The following TTC7B variants were observed in gnomAD, a reference collection of about 807,000 sequenced individuals.
The protein encoded by TTC7B is tetratricopeptide repeat domain 7B.
A neutral mutation model predicts 106.8 loss-of-function variants in TTC7B; 28 were observed. The observed-to-expected ratio is 0.26, with a 90% CI of 0.19 to 0.36. The LOEUF (loss-of-function observed/expected upper bound fraction) is 0.36. Ranked by LOEUF, TTC7B falls within the 10% of genes least tolerant of loss-of-function variation. The probability of loss-of-function intolerance (pLI) is 1.00; values close to 1 mark genes in which losing one functional copy is unlikely to be tolerated. For missense variants in TTC7B, 862 were observed against 1,076.4 expected, an observed-to-expected ratio of 0.80 and a Z score of 2.79; for synonymous variants, 405 against 430.6, an observed-to-expected ratio of 0.94 and a Z score of 0.74.
At chr14:90,607,865 A>G (rs1269306643) in intron 17 of TTC7B, among the ~76,000 whole-genome samples, 1 of 152,222 alleles carries the variant, frequency 6.6e-6, no homozygotes, top group African/African-American at 2.4e-5. Flanking sequence ...CAGAGGAAAG[A>G]TACATATGCT....
intron 19 of TTC7B, among the ~76,000 whole-genome samples, chr14:90,572,807 C>T (rs1300154549): frequency 6.6e-6 from 1 of 152,162 alleles, no homozygotes; most frequent in Non-Finnish European, 1.5e-5. Flanking sequence ...TGTTTTTCCA[C>T]CAAGCAGCGC....
At chr14:90,658,701 C>T (rs1163569943) in intron 9 of TTC7B, among the ~76,000 whole-genome samples, 1 of 152,146 alleles carries the variant, frequency 6.6e-6, no homozygotes, top group East Asian at 1.9e-4. Flanking sequence ...TCAGGAGTGC[C>T]CCCAGGGCGA....
chr14:90,563,544 G>A (rs894361158), intron 19 of TTC7B, among the ~76,000 whole-genome samples: 3 of 152,176 alleles, frequency 2.0e-5, no homozygotes, highest in Non-Finnish European at 2.9e-5. Flanking sequence ...GACTGATCAG[G>A]GTGGTGGATG....
Position 90,640,604 on chromosome 14 carries a change from A to G in TTC7B, c.1751+3444T>C, listed in dbSNP as rs1885131342. 2.0e-5 allele frequency among the ~76,000 whole-genome samples: 3 copies of G among 152,224 alleles called. No individual in the cohort carries two copies. In the South Asian group the frequency reaches 6.2e-4, roughly 31 times the overall value. On this transcript the variant is annotated intron_variant, in intron 15 of 19. Transcript: ENST00000328459. Reference sequence around the variant, plus strand: ...TTTTAGATATATTTAATAAACATTCATTTGATTTTATTCCATATTTAAGAA... The same window carrying G: ...TTTTAGATATATTTAATAAACATTCGTTTGATTTTATTCCATATTTAAGAA...
intron 3 of TTC7B, among the ~76,000 whole-genome samples, chr14:90,763,070 C>T (rs1451839631): frequency 6.6e-6 from 1 of 152,132 alleles, no homozygotes; most frequent in Non-Finnish European, 1.5e-5. Context: ...AACATTGACA[C>T]TAAAACCAAA....
intron 6 of TTC7B, among the ~76,000 whole-genome samples, chr14:90,692,124 CAT>C (rs779519320): frequency 1.1e-4 from 16 of 152,282 alleles, no homozygotes; most frequent in South Asian, 6.2e-4. Context: ...CAGTTCTAGA[CAT>C]GTGTATTGCT....
At chr14:90,620,771 C>A (rs66522703) in intron 15 of TTC7B, among the ~76,000 whole-genome samples, 11,051 of 152,330 alleles carry the variant, frequency 0.073, 458 homozygotes, top group South Asian at 0.16. Context: ...GAGTGCGTCT[C>A]TAAGCCTCAG....
intron 15 of TTC7B, among the ~76,000 whole-genome samples, chr14:90,638,279 G>A (rs574259670): frequency 6.6e-6 from 1 of 152,238 alleles, no homozygotes; most frequent in East Asian, 1.9e-4. Flanking sequence ...AAAATGGAAA[G>A]ATTAGAGAAA....
intron 3 of TTC7B, among the ~76,000 whole-genome samples, chr14:90,768,053 A>AAAGCAACAAG (rs71461926): frequency 0.096 from 14,641 of 152,196 alleles, 980 homozygotes; most frequent in Non-Finnish European, 0.14. Flanking sequence ...GAGAATCTTA[A>AAAGCAACAAG]AAGCAACAAG....
At chr14:90,653,867 AG>A (rs1885836818) in intron 12 of TTC7B, among the ~76,000 whole-genome samples, 1 of 152,190 alleles carries the variant, frequency 6.6e-6, no homozygotes, top group South Asian at 2.1e-4. Context: ...AGGAGTAATG[AG>A]GGGTAGAGTC....
intron 4 of TTC7B, among the ~76,000 whole-genome samples, chr14:90,740,798 G>A (rs753155394): frequency 2.0e-5 from 3 of 151,900 alleles, no homozygotes; most frequent in African/African-American, 4.8e-5. Flanking sequence ...CACCACACCC[G>A]GCCTCTTTAA....
chr14:90,782,877 G>A (rs1046198788), intron 2 of TTC7B, among the ~76,000 whole-genome samples: 3 of 151,882 alleles, frequency 2.0e-5, no homozygotes, highest in African/African-American at 4.8e-5. Flanking sequence ...TATACTTAAC[G>A]CCACTACACT....
intron 15 of TTC7B, among the ~76,000 whole-genome samples, chr14:90,626,703 G>A (rs1347755745): frequency 6.6e-6 from 1 of 152,166 alleles, no homozygotes; most frequent in Non-Finnish European, 1.5e-5. Flanking sequence ...GCCAGCTTAT[G>A]GGCTGCCAGC....
intron 18 of TTC7B, among the ~76,000 whole-genome samples, chr14:90,591,908 T>G (rs1160252601): frequency 6.6e-6 from 1 of 152,224 alleles, no homozygotes; most frequent in Non-Finnish European, 1.5e-5. Context: ...CTGGGACCTC[T>G]CTAAGCAAGA....
At chr14:90,542,446 C>T (rs560287984) in intron 19 of TTC7B, among the ~76,000 whole-genome samples, 34 of 152,186 alleles carry the variant, frequency 2.2e-4, no homozygotes, top group African/African-American at 7.0e-4. Context: ...ATCATCATTG[C>T]GTTTCCAAGC....
In TTC7B at chr14:90,575,222, G is replaced by C. The variant is rs1386641211; in HGVS notation, c.2310+2884C>G. ...GACAGAACCTTTTGTGACTTAGCAA[G>C]AGATGTCAGTTCTTGGGTTTAATCT... is the stretch of plus-strand genomic sequence containing the variant. On this transcript the variant is annotated intron_variant, in intron 19 of 19. Transcript: ENST00000328459. This position sits in a 1 kb window ranked among gnomAD's most constrained non-coding sequence, Gnocchi z 5.2. 6.6e-6 allele frequency among the ~76,000 whole-genome samples: 1 copy of C among 152,246 alleles called. No individual in the cohort carries two copies. Among genetic ancestry groups the C allele is most frequent in the Non-Finnish European group, 1.5e-5 (1 of 68,042 alleles).
chr14:90,738,584 G>C (rs78973886), intron 4 of TTC7B, among the ~76,000 whole-genome samples: 7,260 of 151,762 alleles, frequency 0.048, 208 homozygotes, highest in Non-Finnish European at 0.061. Context: ...TCAAGTCTGG[G>C]AGACAAGAGC....
intron 18 of TTC7B, among the ~76,000 whole-genome samples, chr14:90,583,179 G>A (rs907676000): frequency 6.6e-6 from 1 of 152,192 alleles, no homozygotes; most frequent in Admixed American, 6.5e-5. Context: ...AGGAAGAAAA[G>A]AATATCATTT....
intron 19 of TTC7B, among the ~76,000 whole-genome samples, chr14:90,565,399 CTTT>C (rs35307541): frequency 3.7e-5 from 4 of 107,588 alleles, no homozygotes; most frequent in Non-Finnish European, 5.6e-5. Flanking sequence ...TCCTTTCTAG[CTTT>C]TTTTTTTTTT....
Sources: gnomAD v4.1 joint callset for allele counts (sites outside exome capture counted in the v4.1 genomes callset) on GRCh38, gnomAD v4.1.1 for gene constraint, Gnocchi (gnomAD v3.1) non-coding constraint, MANE v1.5 for transcripts, NCBI Gene and HGNC (gene_info 2026-07-23, HGNC 2026-07-21) for gene names.